LRRTM4: variants seen among roughly 807,000 people sequenced by gnomAD.
The protein encoded by LRRTM4 is leucine-rich repeat transmembrane neuronal protein 4.
LRRTM4 carries 25 observed loss-of-function variants against 47.6 expected under a neutral mutation model. The ratio of observed to expected loss-of-function variants is 0.53; its 90% CI spans 0.38 to 0.73. LRRTM4 has a LOEUF of 0.73. LRRTM4 is among the 30% of genes least tolerant of loss of function. The pLI, the probability that LRRTM4 is intolerant of heterozygous loss-of-function variation, is 0.00. For missense variants in LRRTM4, 638 were observed against 713.4 expected (o/e 0.89, Z 1.20); for synonymous variants, 311 against 269.5 (o/e 1.15, Z -1.51).
chr2:77,170,981 T>A lies in LRRTM4; in HGVS notation c.1551+347337A>T, dbSNP rs548796728. ...ATATGTACGTATACTAAAGTACACA[T>A]ATATATTAGCTTTATATATGTATAT... On this transcript the variant is annotated intron_variant, in intron 3 of 3. Transcript: ENST00000409884. Among the ~76,000 whole-genome samples, 163 of 136,992 alleles carry A rather than the reference T, an allele frequency of 1.2e-3. 1 individual carries two copies. Among genetic ancestry groups the A allele is most frequent in the African/African-American group, 3.5e-3 (129 of 36,412 alleles). 89.9% of individuals were successfully genotyped at this position (136,992 alleles called of 152,430 possible).
At chr2:76,974,626 G>A (rs1282382685) in intron 3 of LRRTM4, among the ~76,000 whole-genome samples, 1 of 151,414 alleles carries the variant, frequency 6.6e-6, no homozygotes, top group East Asian at 2.0e-4. Context: ...TAATAAAAGT[G>A]GAATTTCATA....
chr2:77,045,255 G>A (rs553008387), intron 3 of LRRTM4, among the ~76,000 whole-genome samples: 2 of 151,962 alleles, frequency 1.3e-5, no homozygotes, highest in African/African-American at 4.8e-5. Context: ...AAAAAAAGTA[G>A]AGAAAAATCT....
At chr2:77,388,365 C>A (rs1163097630) in intron 3 of LRRTM4, among the ~76,000 whole-genome samples, 1 of 152,078 alleles carries the variant, frequency 6.6e-6, no homozygotes, top group Non-Finnish European at 1.5e-5. Flanking sequence ...CTACGGCAGA[C>A]ATTCAAAACT....
At position 77,384,223 on chromosome 2, in the gene LRRTM4, G is replaced by GTT. The variant is rs879442889; in HGVS notation, c.1551+134093_1551+134094dup. 5.5e-5 allele frequency among the ~76,000 whole-genome samples: 8 copies of GTT among 146,558 alleles called. No homozygotes were observed. The South Asian group carries it at 8.6e-4, about 16-fold the overall frequency. ...ACTTGTATTATATTAGGTAGATAAA[G>GTT]TTTTTTTTTTTTAAAAATTCACTAA... On this transcript the variant is annotated intron_variant, in intron 3 of 3. Transcript: ENST00000409884.
intron 3 of LRRTM4, among the ~76,000 whole-genome samples, chr2:76,818,755 C>G (rs897588000): frequency 6.6e-6 from 1 of 151,588 alleles, no homozygotes. Flanking sequence ...ATAAAAGCAG[C>G]AATACATGTT....
intron 3 of LRRTM4, among the ~76,000 whole-genome samples, chr2:77,469,138 G>A (rs901066425): frequency 6.6e-6 from 1 of 152,218 alleles, no homozygotes; most frequent in African/African-American, 2.4e-5. Flanking sequence ...ATGCAAGAGG[G>A]AAAGAGGTTA....
rs1431012932 is a variant in LRRTM4, at chr2:76,752,916, C to T, written c.1552-4000G>A. On this transcript the variant is annotated intron_variant, in intron 3 of 3. Transcript: ENST00000409884. The stretch of plus-strand genomic sequence containing the variant: ...CACTCTATAGCACAGCAGAACAACA[C>T]TATTTAAAGATGTCCTCGTTAGAAC... 5.3e-5 allele frequency among the ~76,000 whole-genome samples: 8 copies of T among 152,282 alleles called. No homozygotes were observed. The East Asian group carries it at 1.5e-3, about 29-fold the overall frequency.
intron 3 of LRRTM4, among the ~76,000 whole-genome samples, chr2:76,924,083 C>T (rs1674514687): frequency 6.6e-6 from 1 of 152,008 alleles, no homozygotes; most frequent in South Asian, 2.1e-4. Context: ...TCCTTAATTA[C>T]CTGGCCAGCA....
intron 3 of LRRTM4, among the ~76,000 whole-genome samples, chr2:77,293,628 T>C (rs948071109): frequency 6.6e-6 from 1 of 152,152 alleles, no homozygotes; most frequent in Non-Finnish European, 1.5e-5. Flanking sequence ...TACATATTTT[T>C]GTGAAAAAAC....
Position 76,972,280 on chromosome 2 carries a change from T to C in LRRTM4, c.1552-223364A>G, listed in dbSNP as rs138316876. On this transcript the variant is annotated intron_variant, in intron 3 of 3. Transcript: ENST00000409884. ...CTGGGCATGTGAATATAGCCATCATTCTTGTGAACCCCTCAGCAGAGAACA... is the reference window on the plus strand; with the variant it reads ...CTGGGCATGTGAATATAGCCATCATCCTTGTGAACCCCTCAGCAGAGAACA... Among the ~76,000 whole-genome samples, 26 of 152,138 alleles carry C rather than the reference T, an allele frequency of 1.7e-4. No individual in the cohort carries two copies. The East Asian group carries it at 5.1e-3, about 30-fold the overall frequency.
intron 3 of LRRTM4, among the ~76,000 whole-genome samples, chr2:77,420,299 T>A (rs1205690622): frequency 6.6e-6 from 1 of 152,148 alleles, no homozygotes; most frequent in East Asian, 1.9e-4. Context: ...AAGACAGAAG[T>A]CATGCTCTTT....
intron 3 of LRRTM4, among the ~76,000 whole-genome samples, chr2:77,322,826 ACTCTCTCTCT>A (rs61495510): frequency 3.8e-5 from 5 of 133,160 alleles, no homozygotes; most frequent in African/African-American, 1.4e-4. Context: ...AACTACATAA[ACTCTCTCTCT>A]CTCTCTCTCT....
intron 3 of LRRTM4, among the ~76,000 whole-genome samples, chr2:77,110,760 A>C (rs892715019): frequency 6.6e-6 from 1 of 152,184 alleles, no homozygotes; most frequent in Admixed American, 6.6e-5. Flanking sequence ...AGGTACATTG[A>C]TATTTCAAAA....
rs139633606 is a variant in LRRTM4, at chr2:77,361,424, T to G, written c.1551+156894A>C. On this transcript the variant is annotated intron_variant, in intron 3 of 3. Transcript: ENST00000409884. ...TGCTTTCTAAGACATTGTGCTATTT[T>G]GATCGTCTTCATTCGCTTCATCCTT... Among the ~76,000 whole-genome samples the G allele has an allele frequency of 1.3e-4, 20 of 152,308 alleles. No homozygotes were observed. The East Asian group carries it at 3.9e-3, about 29-fold the overall frequency.
chr2:76,920,693 A>G lies in LRRTM4; in HGVS notation c.1552-171777T>C, dbSNP rs556241458. Among the ~76,000 whole-genome samples the G allele has an allele frequency of 2.6e-5, 4 of 152,234 alleles. No homozygotes were observed. In the East Asian group the frequency reaches 7.7e-4, roughly 29 times the overall value. On this transcript the variant is annotated intron_variant, in intron 3 of 3. Coordinates refer to ENST00000409884, the MANE Select transcript of LRRTM4 (RefSeq NM_001134745.3). The stretch of plus-strand genomic sequence containing the variant: ...TCTAAATACAGAATAATGCTACAGC[A>G]GTAAGTAAAATGTAGTGTATAAAAC...
At position 77,433,173 on chromosome 2, in the gene LRRTM4, G is replaced by T. The variant is rs181762918; in HGVS notation, c.1551+85145C>A. On this transcript the variant is annotated intron_variant, in intron 3 of 3. Transcript: ENST00000409884. ...ATTTCTTAAAACTATACATGCTTTT[G>T]TAACCCCAAGCCTTCGTACTGTACC... Among the ~76,000 whole-genome samples, 406 of 152,274 alleles carry T rather than the reference G, an allele frequency of 2.7e-3. 13 individuals are homozygous for T. Among genetic ancestry groups the T allele is most frequent in the Admixed American group, 0.024 (367 of 15,292 alleles).
intron 3 of LRRTM4, among the ~76,000 whole-genome samples, chr2:76,918,476 T>C (rs999274391): frequency 6.6e-6 from 1 of 152,178 alleles, no homozygotes; most frequent in South Asian, 2.1e-4. Flanking sequence ...TGTCTAATAG[T>C]TTTAAGTTTT....
chr2:77,134,925 A>G (rs922254601), intron 3 of LRRTM4, among the ~76,000 whole-genome samples: 4 of 152,180 alleles, frequency 2.6e-5, no homozygotes, highest in African/African-American at 9.7e-5. Flanking sequence ...AAAATCAGCT[A>G]ATAGTAAATG....
At chr2:76,874,849 T>TA (rs942237369) in intron 3 of LRRTM4, among the ~76,000 whole-genome samples, 1 of 152,202 alleles carries the variant, frequency 6.6e-6, no homozygotes, top group African/African-American at 2.4e-5. Context: ...AAACTTTGCT[T>TA]ATTTGAAGTT....
Sources: allele counts gnomAD v4.1 joint callset (sites outside exome capture counted in the v4.1 genomes callset), GRCh38; gene constraint gnomAD v4.1.1; transcripts MANE v1.5; gene names NCBI Gene and HGNC (gene_info 2026-07-23, HGNC 2026-07-21).